PGM2L1: variants seen among roughly 807,000 people sequenced by gnomAD.
The protein encoded by PGM2L1 is phosphoglucomutase 2 like 1, also known as glucose 1,6-bisphosphate synthase.
A neutral mutation model predicts 73.4 loss-of-function variants in PGM2L1; 35 were observed. The observed-to-expected ratio is 0.48, with a 90% CI of 0.36 to 0.63. The LOEUF is 0.63. Among genes scored for constraint, PGM2L1 ranks in the 30% least tolerant of loss-of-function variants. PGM2L1 has a pLI of 0.00. For synonymous variants in PGM2L1, 225 were observed against 253.8 expected (o/e 0.89, Z 1.08); for missense variants, 570 against 742.0 (o/e 0.77, Z 2.69).
intron 1 of PGM2L1, among the ~76,000 whole-genome samples, chr11:74,384,034 A>G (rs1405715472): frequency 6.6e-6 from 1 of 151,746 alleles, no homozygotes; most frequent in Non-Finnish European, 1.5e-5. Context: ...TTTCATAGTA[A>G]CTATCTCTTT....
chr11:74,359,521 G>GTA (rs1001428393), intron 5 of PGM2L1, among the ~76,000 whole-genome samples: 57 of 150,996 alleles, frequency 3.8e-4, no homozygotes, highest in African/African-American at 1.3e-3. Context: ...ACATGTATGT[G>GTA]TATATATGTA....
At chr11:74,355,112 C>T in intron 5 of PGM2L1, 1 of 1,287,934 alleles carries the variant, frequency 7.8e-7, no homozygotes, top group African/African-American at 1.5e-5. Flanking sequence ...GAGGAAACTT[C>T]AGTGGTTGTG....
In PGM2L1 at chr11:74,374,528, C is replaced by A; in HGVS notation, c.166G>T (p.Glu56Ter). ...ENLLRNGMNK[E>*]LRDRLCCRMT... ...CGGCAACAAAGACGATCTCGCAGCT[C>A]CTTGTTCATCCCATTCCGTAACAGG... is the stretch of plus-strand genomic sequence containing the variant. The change falls in exon 2 of 14, where the codon GAG becomes TAG. Residue 56 changes from glutamate (E) to a stop codon, truncating the protein, a stop_gained. Coordinates refer to ENST00000298198, the MANE Select transcript of PGM2L1 (RefSeq NM_173582.6). LOFTEE classifies it high-confidence loss of function. The A allele has an allele frequency of 6.2e-7, 1 of 1,614,184 alleles. No homozygotes were observed. The highest frequency in any genetic ancestry group is 1.7e-5 in the Admixed American group (1 of 60,030).
chr11:74,385,782 T>C (rs982284602), intron 1 of PGM2L1, among the ~76,000 whole-genome samples: 2 of 152,092 alleles, frequency 1.3e-5, no homozygotes, highest in African/African-American at 4.8e-5. Context: ...AACAATAATA[T>C]GCTTTTTCTT....
chr11:74,391,832 A>G, intron 1 of PGM2L1, among the ~76,000 whole-genome samples: 1 of 98,360 alleles, frequency 1.0e-5, no homozygotes, highest in African/African-American at 4.4e-5. Context: ...ATAAGCTGGT[A>G]TGGGTTTTCT....
In PGM2L1 at chr11:74,374,452, C is replaced by A. The variant is rs1862826764; in HGVS notation, c.242G>T (p.Cys81Phe). 1 of 1,613,862 alleles carries A rather than the reference C, an allele frequency of 6.2e-7. No homozygotes were observed. The highest frequency in any genetic ancestry group is 1.1e-5 in the South Asian group (1 of 91,058). The change falls in exon 2 of 14, where the codon TGC becomes TTC. Residue 81 changes from cysteine (C) to phenylalanine (F), a missense_variant. Coordinates refer to ENST00000298198, the MANE Select transcript of PGM2L1 (RefSeq NM_173582.6). ...TATTACTGTAAGGTCATTAATATAG[C>A]AAAACCCTGCCCCCATGGCAGAACG... is the stretch of plus-strand genomic sequence containing the variant. Reference protein sequence around the residue: ...GLRSAMGAGFCYINDLTVIQS... With the variant: ...GLRSAMGAGFFYINDLTVIQS...
chr11:74,371,233 A>G (rs903405240), intron 3 of PGM2L1, among the ~76,000 whole-genome samples: 6 of 152,130 alleles, frequency 3.9e-5, no homozygotes, highest in Non-Finnish European at 8.8e-5. Flanking sequence ...TCCCTCATTC[A>G]TCTTTTGATG....
At chr11:74,354,567 C>A in intron 5 of PGM2L1, 2 of 1,142,378 alleles carry the variant, frequency 1.8e-6, no homozygotes, top group Non-Finnish European at 2.6e-6. Flanking sequence ...TGCTCACGAA[C>A]TGTGTGGTAA....
intron 1 of PGM2L1, among the ~76,000 whole-genome samples, chr11:74,376,618 T>TAC (rs923580228): frequency 4.6e-5 from 7 of 151,806 alleles, no homozygotes; most frequent in Admixed American, 3.3e-4. Context: ...TACGTATGTA[T>TAC]ACACACACAC....
chr11:74,385,998 T>C (rs1464244420), intron 1 of PGM2L1, among the ~76,000 whole-genome samples: 1 of 152,082 alleles, frequency 6.6e-6, no homozygotes, highest in African/African-American at 2.4e-5. Flanking sequence ...CTTTAAGACA[T>C]CCAGCAAAAA....
At chr11:74,351,977 T>A (rs143422497) in intron 5 of PGM2L1, among the ~76,000 whole-genome samples, 105 of 143,614 alleles carry the variant, frequency 7.3e-4, no homozygotes, top group African/African-American at 2.5e-3. Flanking sequence ...AAAAAATAAA[T>A]AAAAATAAAA....
chr11:74,354,983 C>T, intron 5 of PGM2L1: 1 of 1,107,866 alleles, frequency 9.0e-7, no homozygotes. Flanking sequence ...TCAGGAAAGC[C>T]CTGTCAAAGC....
chr11:74,360,237 A>AAAAAT (rs1234666840), intron 5 of PGM2L1, among the ~76,000 whole-genome samples: 1 of 151,284 alleles, frequency 6.6e-6, no homozygotes, highest in Non-Finnish European at 1.5e-5. Flanking sequence ...CTTAAAAAAT[A>AAAAAT]AAAATAAAAT....
chr11:74,379,678 C>CT (rs1862909147), intron 1 of PGM2L1, among the ~76,000 whole-genome samples: 1 of 152,030 alleles, frequency 6.6e-6, no homozygotes, highest in Non-Finnish European at 1.5e-5. Context: ...AATCCCAGCA[C>CT]TTTGGGAGGC....
chr11:74,346,057 G>C (rs979237402), intron 8 of PGM2L1, among the ~76,000 whole-genome samples: 5 of 151,996 alleles, frequency 3.3e-5, no homozygotes, highest in Admixed American at 2.6e-4. Context: ...CTGAGGTCAG[G>C]AGTTCGAGAC....
Position 74,351,710 on chromosome 11 carries a change from C to A in PGM2L1, c.556-134G>T. On this transcript the variant is annotated intron_variant, in intron 5 of 13. Coordinates refer to ENST00000298198, the MANE Select transcript of PGM2L1 (RefSeq NM_173582.6). Reference sequence around the variant, plus strand: ...AGGCACGGTGGCTCACGCCTGTAATCTCAGCACTTTGGGAGGCTGAGGCGG... The same window carrying A: ...AGGCACGGTGGCTCACGCCTGTAATATCAGCACTTTGGGAGGCTGAGGCGG... 4 of 721,318 alleles carry A rather than the reference C, an allele frequency of 5.5e-6. No individual in the cohort carries two copies. The South Asian group carries it at 8.7e-5, about 16-fold the overall frequency. 44.7% of individuals were successfully genotyped at this position (721,318 alleles called of 1,614,324 possible).
At chr11:74,373,525 A>G (rs1168757366) in intron 2 of PGM2L1, among the ~76,000 whole-genome samples, 1 of 152,230 alleles carries the variant, frequency 6.6e-6, no homozygotes, top group Non-Finnish European at 1.5e-5. Context: ...CCTCAAAAGT[A>G]TAGTTATTTG....
chr11:74,384,360 T>A (rs1033899450), intron 1 of PGM2L1, among the ~76,000 whole-genome samples: 1 of 152,098 alleles, frequency 6.6e-6, no homozygotes, highest in African/African-American at 2.4e-5. Context: ...CTTATGAGAT[T>A]ACTCTTACTT....
At chr11:74,357,973 A>G (rs1379846443) in intron 5 of PGM2L1, among the ~76,000 whole-genome samples, 1 of 152,232 alleles carries the variant, frequency 6.6e-6, no homozygotes, top group Non-Finnish European at 1.5e-5. Context: ...AGGCAAAACT[A>G]TGGAGACAGT....
Sources: gnomAD v4.1 joint callset for allele counts (sites outside exome capture counted in the v4.1 genomes callset) on GRCh38, gnomAD v4.1.1 for gene constraint, MANE v1.5 for transcripts, NCBI Gene and HGNC (gene_info 2026-07-23, HGNC 2026-07-21) for gene names.